ASPH: variants seen among roughly 807,000 people sequenced by gnomAD.
The protein encoded by ASPH is aspartate beta-hydroxylase, also known as aspartyl/asparaginyl beta-hydroxylase.
A neutral mutation model predicts 118.4 loss-of-function variants in ASPH; 100 were observed. That is an observed-to-expected ratio of 0.84 (90% CI 0.72 to 1.00). ASPH has a LOEUF of 1.00. ASPH is among the 50% of genes least tolerant of loss of function. ASPH has a pLI of 0.00. For missense variants in ASPH, 920 were observed against 919.5 expected, an observed-to-expected ratio of 1.00 and a Z score of -0.01; for synonymous variants, 315 against 325.6, an observed-to-expected ratio of 0.97 and a Z score of 0.35.
chr8:61,687,852 T>A (rs1432257601), intron 1 of ASPH, among the ~76,000 whole-genome samples: 1 of 152,226 alleles, frequency 6.6e-6, no homozygotes, highest in Admixed American at 6.5e-5. Context: ...CTTTTTAATA[T>A]CAAATAAATG....
chr8:61,705,679 A>G (rs547426858), intron 1 of ASPH, among the ~76,000 whole-genome samples: 6 of 152,324 alleles, frequency 3.9e-5, no homozygotes, highest in African/African-American at 1.4e-4. Flanking sequence ...CTCTATCCTA[A>G]TAGGTTATTG....
chr8:61,525,064 C>T (rs1056788289), intron 22 of ASPH, among the ~76,000 whole-genome samples: 2 of 152,136 alleles, frequency 1.3e-5, no homozygotes, highest in Non-Finnish European at 2.9e-5. Context: ...GAAAACATTA[C>T]TAAAGTAGTT....
At chr8:61,624,623 G>A (rs1852078985) in intron 13 of ASPH, 2 of 985,208 alleles carry the variant, frequency 2.0e-6, no homozygotes, top group African/African-American at 3.5e-5. Flanking sequence ...TTGCACAATG[G>A]CACATATTTG....
At chr8:61,636,542 G>A (rs1365625851) in intron 12 of ASPH, among the ~76,000 whole-genome samples, 2 of 152,170 alleles carry the variant, frequency 1.3e-5, no homozygotes, top group Non-Finnish European at 2.9e-5. Flanking sequence ...GCCCAGCACA[G>A]AAGCTGCAGG....
rs902173221 is a variant in ASPH at position 61,637,858 on chromosome 8, C to T, written c.889+89G>A. On this transcript the variant is annotated intron_variant, in intron 12 of 24. Coordinates refer to ENST00000379454, the MANE Select transcript of ASPH (RefSeq NM_004318.4). Reference sequence around the variant, plus strand: ...TCCTAGCTCCTATGCACTGTATAGACAGCAAGTAGGAAATGTTCGATAAAT... The same window carrying T: ...TCCTAGCTCCTATGCACTGTATAGATAGCAAGTAGGAAATGTTCGATAAAT... The T allele has an allele frequency of 8.5e-6, 11 of 1,298,360 alleles. No individual in the cohort carries two copies. In the African/African-American group the frequency reaches 8.9e-5, roughly 10 times the overall value. 80.4% of individuals were successfully genotyped at this position (1,298,360 alleles called of 1,614,324 possible). A position where few individuals can be genotyped will look rare whatever the true frequency, so the allele number is the denominator to read the frequency against.
chr8:61,567,615 G>C (rs1386153253), intron 16 of ASPH, among the ~76,000 whole-genome samples: 2 of 152,148 alleles, frequency 1.3e-5, no homozygotes, highest in Admixed American at 6.5e-5. Flanking sequence ...ACATTATATA[G>C]GCAGGTCTCC....
intron 21 of ASPH, among the ~76,000 whole-genome samples, chr8:61,545,959 C>T (rs1823690154): frequency 6.6e-6 from 1 of 152,214 alleles, no homozygotes; most frequent in South Asian, 2.1e-4. Flanking sequence ...CTCTCTCCTC[C>T]TGGAAGCTGG....
At chr8:61,610,706 A>T (rs1358930112) in intron 14 of ASPH, among the ~76,000 whole-genome samples, 1 of 152,186 alleles carries the variant, frequency 6.6e-6, no homozygotes, top group Non-Finnish European at 1.5e-5. Flanking sequence ...CTTCAACAAC[A>T]TGGAAAAATT....
chr8:61,633,594 T>C, intron 13 of ASPH, 89 bp downstream of exon 13: 1 of 1,179,518 alleles, frequency 8.5e-7, no homozygotes, highest in Non-Finnish European at 1.2e-6. Context: ...ATTTTTATCC[T>C]TCGTAGATTC....
At chr8:61,564,259 G>A (rs1830887552) in intron 17 of ASPH, among the ~76,000 whole-genome samples, 1 of 151,714 alleles carries the variant, frequency 6.6e-6, no homozygotes, top group East Asian at 1.9e-4. Flanking sequence ...GAGCCATAGT[G>A]GAGACTGAGG....
chr8:61,530,054 G>A (rs1586619361), intron 21 of ASPH, among the ~76,000 whole-genome samples: 1 of 152,178 alleles, frequency 6.6e-6, no homozygotes, highest in South Asian at 2.1e-4. Flanking sequence ...GAGAGAATAT[G>A]AATTTTCTCT....
chr8:61,633,101 G>A (rs1290169474), intron 13 of ASPH: 1 of 155,038 alleles, frequency 6.5e-6, no homozygotes, highest in Non-Finnish European at 1.4e-5. Flanking sequence ...ATAGGCTTTG[G>A]TGGAAATGCT....
chr8:61,535,538 T>G (rs1819160928), intron 21 of ASPH, among the ~76,000 whole-genome samples: 1 of 152,184 alleles, frequency 6.6e-6, no homozygotes, highest in African/African-American at 2.4e-5. Context: ...AGTTTCTGAC[T>G]CTAAATTGAG....
chr8:61,531,303 T>C (rs1465403406), intron 21 of ASPH, among the ~76,000 whole-genome samples: 1 of 152,172 alleles, frequency 6.6e-6, no homozygotes, highest in Non-Finnish European at 1.5e-5. Flanking sequence ...GATCAGTTAC[T>C]GTCTGAATTT....
chr8:61,617,948 A>T (rs1849603054), intron 14 of ASPH, among the ~76,000 whole-genome samples: 1 of 149,886 alleles, frequency 6.7e-6, no homozygotes, highest in South Asian at 2.1e-4. Context: ...AAAAAAAAAA[A>T]AAGAAAGAAA....
At position 61,704,300 on chromosome 8, in the gene ASPH, A is replaced by C. The variant is rs542336930; in HGVS notation, c.103+9969T>G. Among the ~76,000 whole-genome samples, 5 of 151,896 alleles carry C rather than the reference A, an allele frequency of 3.3e-5. No individual in the cohort carries two copies. In the East Asian group the frequency reaches 9.6e-4, roughly 29 times the overall value. On this transcript the variant is annotated intron_variant, in intron 1 of 24. Coordinates refer to ENST00000379454, the MANE Select transcript of ASPH (RefSeq NM_004318.4). ...GCTTTTTGACAAAGGCACCAAAAGCAATCCAATAATGAAAGCAAAGTCTTT... is the reference window on the plus strand; with the variant it reads ...GCTTTTTGACAAAGGCACCAAAAGCCATCCAATAATGAAAGCAAAGTCTTT...
At chr8:61,543,467 T>C (rs2130672472) in intron 21 of ASPH, among the ~76,000 whole-genome samples, 1 of 152,340 alleles carries the variant, frequency 6.6e-6, no homozygotes, top group East Asian at 1.9e-4. Context: ...AGTTCTTTTT[T>C]ATAATTTCTG....
intron 1 of ASPH, among the ~76,000 whole-genome samples, chr8:61,708,401 A>G (rs1278072610): frequency 6.6e-6 from 1 of 152,252 alleles, no homozygotes; most frequent in Non-Finnish European, 1.5e-5. Flanking sequence ...ACAGATTTTG[A>G]GGTTTATGTA....
At position 61,625,263 on chromosome 8, in the gene ASPH, G is replaced by C. The variant is rs796152099; in HGVS notation, c.935-6244C>G. 1.0e-5 allele frequency: 10 copies of C among 985,712 alleles called. No homozygotes were observed. The African/African-American group carries it at 1.6e-4, about 15-fold the overall frequency. 61.1% of individuals were successfully genotyped at this position (985,712 alleles called of 1,614,324 possible). On this transcript the variant is annotated intron_variant, in intron 13 of 24. Coordinates refer to ENST00000379454, the MANE Select transcript of ASPH (RefSeq NM_004318.4). ...AAATCTTCAGTGTAGAAAGAAAAAG[G>C]CTCATTGCCGTGAAATAGCAGCAGG...
Sources: allele counts gnomAD v4.1 joint callset (sites outside exome capture counted in the v4.1 genomes callset), GRCh38; gene constraint gnomAD v4.1.1; transcripts MANE v1.5; gene names NCBI Gene and HGNC (gene_info 2026-07-23, HGNC 2026-07-21).